GOLGA8A: variants seen among roughly 807,000 people sequenced by gnomAD.
The protein encoded by GOLGA8A is golgin A8 family member A, also known as golgin subfamily A member 8A.
Under a neutral mutation model 22.1 loss-of-function variants are expected in GOLGA8A, and 3 were observed. The ratio of observed to expected loss-of-function variants is 0.14; its 90% CI spans 0.06 to 0.35. The LOEUF (loss-of-function observed/expected upper bound fraction) is 0.35. GOLGA8A is among the 10% of genes least tolerant of loss of function. The pLI is 1.00. For missense variants in GOLGA8A, 16 were observed against 233.2 expected (o/e 0.07, Z 6.07); for synonymous variants, 7 against 91.7 (o/e 0.08, Z 5.28).
chr15:34,428,944 T>C lies in GOLGA8A; in HGVS notation c.-1123+6439A>G, dbSNP rs1231140257. On this transcript the variant is annotated intron_variant, in intron 2 of 24. Transcript: ENST00000359187. ...GAAGGGTAAAATAAAACGTCTGCAC[T>C]AGCAAGGCTGGGACTTGGCATCAGC... is the stretch of plus-strand genomic sequence containing the variant. 2 of 144,622 alleles carry C rather than the reference T, an allele frequency of 1.4e-5. 1 individual carries two copies. The highest frequency in any genetic ancestry group is 3.0e-5 in the Non-Finnish European group (2 of 66,202). The allele number at this position is 144,622 out of a possible 1,614,324, so 9.0% of individuals were successfully genotyped here. A position where few individuals can be genotyped will look rare whatever the true frequency, so the allele number is the denominator to read the frequency against.
rs1036286887 is a variant in GOLGA8A, at chr15:34,432,959, T to C, written c.-1123+2424A>G. Among the ~76,000 whole-genome samples, 24 of 148,882 alleles carry C rather than the reference T, an allele frequency of 1.6e-4. 1 individual carries two copies. The highest frequency in any genetic ancestry group is 5.5e-4 in the African/African-American group (22 of 40,282). The stretch of plus-strand genomic sequence containing the variant: ...TCAGTTCAATATTGCATCTCGTCTG[T>C]GCCTCAAAACAACCACAGGCAAGAG... On this transcript the variant is annotated intron_variant, in intron 2 of 24. Transcript: ENST00000359187.
intron 1 of GOLGA8A, among the ~76,000 whole-genome samples, chr15:34,436,693 G>C (rs1595675234): frequency 6.7e-6 from 1 of 149,592 alleles, no homozygotes; most frequent in South Asian, 2.1e-4. Flanking sequence ...AGCCCTGCTT[G>C]GGGACCGGGG....
In GOLGA8A at chr15:34,379,564, G is replaced by A. The variant is rs1566900825; in HGVS notation, c.*1847C>T. ...ATCTGCCCTCTTTCAGTGAATGCCG[G>A]CAAATCTGTTATTCCATTGGCAAAA... On this transcript the variant is annotated 3_prime_UTR_variant, in exon 25 of 25. Transcript: ENST00000359187. 2.0e-5 allele frequency: 3 copies of A among 152,570 alleles called. No homozygotes were observed. The highest frequency in any genetic ancestry group is 6.5e-5 in the Admixed American group (1 of 15,282). The allele number at this position is 152,570 out of a possible 1,614,324, so 9.5% of individuals were successfully genotyped here.
At chr15:34,423,195 A>G (rs1277232797) in intron 2 of GOLGA8A, among the ~76,000 whole-genome samples, 2 of 123,944 alleles carry the variant, frequency 1.6e-5, no homozygotes, top group Admixed American at 8.6e-5. Context: ...AAAGCTGACC[A>G]CCCCCATGCC....
chr15:34,424,359 A>T (rs142799018), intron 2 of GOLGA8A, among the ~76,000 whole-genome samples: 1 of 121,174 alleles, frequency 8.3e-6, no homozygotes, highest in African/African-American at 3.1e-5. Context: ...ACACCCCTCC[A>T]CGATGGACCC....
At chr15:34,430,292 C>A (rs4986793) in intron 2 of GOLGA8A, among the ~76,000 whole-genome samples, 13,954 of 148,898 alleles carry the variant, frequency 0.094, 1,719 homozygotes, top group South Asian at 0.25. Flanking sequence ...CCGCACATCC[C>A]ACCTGCAAAA....
At chr15:34,427,922 G>A (rs1431842568) in intron 2 of GOLGA8A, among the ~76,000 whole-genome samples, 2 of 148,526 alleles carry the variant, frequency 1.3e-5, no homozygotes, top group African/African-American at 2.5e-5. Context: ...ACTGCCCGAT[G>A]TGTCATGGGA....
At chr15:34,386,140 A>C (rs1418150137) in intron 12 of GOLGA8A, among the ~76,000 whole-genome samples, 3 of 148,038 alleles carry the variant, frequency 2.0e-5, no homozygotes, top group Non-Finnish European at 2.9e-5. Flanking sequence ...CACAGCCGAT[A>C]TAGGATGGAA....
chr15:34,405,436 G>A (rs1391316951), intron 4 of GOLGA8A, among the ~76,000 whole-genome samples: 1 of 147,056 alleles, frequency 6.8e-6, no homozygotes, highest in Non-Finnish European at 1.5e-5. Flanking sequence ...CCAGGTTCAA[G>A]TGATTCTCGT....
Position 34,428,563 on chromosome 15 carries a change from T to A in GOLGA8A, c.-1123+6820A>T, listed in dbSNP as rs1172402871. On this transcript the variant is annotated intron_variant, in intron 2 of 24. Coordinates refer to ENST00000359187, the MANE Select transcript of GOLGA8A (RefSeq NM_181077.5). The stretch of plus-strand genomic sequence containing the variant: ...AATACTGTCCCCCACCTCCACACCA[T>A]GCTAGTGAGAAAAACAGACTGCCTG... The A allele has an allele frequency of 3.4e-5, 5 of 148,806 alleles. 1 individual carries two copies. The highest frequency in any genetic ancestry group is 4.0e-4 in the East Asian group (2 of 5,052). The allele number at this position is 148,806 out of a possible 1,614,324, so 9.2% of individuals were successfully genotyped here. A position where few individuals can be genotyped will look rare whatever the true frequency, so the allele number is the denominator to read the frequency against.
intron 1 of GOLGA8A, among the ~76,000 whole-genome samples, chr15:34,436,658 C>A (rs912152303): frequency 6.7e-6 from 1 of 149,884 alleles, no homozygotes; most frequent in Non-Finnish European, 1.5e-5. Flanking sequence ...CCTGGGCTTA[C>A]CAAGGCCCGC....
intron 2 of GOLGA8A, among the ~76,000 whole-genome samples, chr15:34,430,950 A>G (rs1893201660): frequency 6.7e-6 from 1 of 149,078 alleles, no homozygotes; most frequent in Non-Finnish European, 1.5e-5. Context: ...CCAGCTCCGG[A>G]TAATTCAGAC....
chr15:34,406,309 AGT>A (rs1466515515), intron 4 of GOLGA8A, among the ~76,000 whole-genome samples: 2 of 40,964 alleles, frequency 4.9e-5, no homozygotes, highest in African/African-American at 1.9e-4. Context: ...TGAGGTCAGG[AGT>A]TCAAGACTAG....
rs1595631157 is a variant in GOLGA8A at position 34,379,509 on chromosome 15, AAG to A, written c.*1900_*1901del. On this transcript the variant is annotated 3_prime_UTR_variant, in exon 25 of 25. Coordinates refer to ENST00000359187, the MANE Select transcript of GOLGA8A (RefSeq NM_181077.5). ...ACATTGATAAATTCATACAATTTGG[AAG>A]AGTCAGTTGAAGTTACAAGGACCCA... is the stretch of plus-strand genomic sequence containing the variant. 2 of 152,666 alleles carry A rather than the reference AAG, an allele frequency of 1.3e-5. No individual in the cohort carries two copies. The highest frequency in any genetic ancestry group is 2.1e-4 in the South Asian group (1 of 4,832). The allele number at this position is 152,666 out of a possible 1,614,324, so 9.5% of individuals were successfully genotyped here.
chr15:34,379,883 T>A lies in GOLGA8A; in HGVS notation c.*1528A>T, dbSNP rs1295265455. On this transcript the variant is annotated 3_prime_UTR_variant, in exon 25 of 25. Transcript: ENST00000359187. ...ACAATCACAGAAATATTGCACAAAG[T>A]ATGTCCCTGACTGAAAATGAGAGGT... The A allele has an allele frequency of 6.5e-6, 1 of 152,688 alleles. No individual in the cohort carries two copies. The highest frequency in any genetic ancestry group is 1.5e-5 in the Non-Finnish European group (1 of 68,052). The allele number at this position is 152,688 out of a possible 1,614,324, so 9.5% of individuals were successfully genotyped here. A position where few individuals can be genotyped will look rare whatever the true frequency, so the allele number is the denominator to read the frequency against.
intron 8 of GOLGA8A, among the ~76,000 whole-genome samples, chr15:34,397,769 GC>G (rs202149269): frequency 0.019 from 2,369 of 124,386 alleles, 2 homozygotes; most frequent in African/African-American, 0.066. Flanking sequence ...CTCAAATTTG[GC>G]TCCCCAACCT....
intron 2 of GOLGA8A, chr15:34,418,120 G>A (rs1892647857): frequency 1.6e-5 from 1 of 60,694 alleles, no homozygotes; most frequent in Non-Finnish European, 3.3e-5. Flanking sequence ...TGTAGTAACT[G>A]TAGATTCTTT....
chr15:34,431,333 A>ATCTCTCTC (rs1169013971), intron 2 of GOLGA8A, among the ~76,000 whole-genome samples: 1 of 51,410 alleles, frequency 1.9e-5, no homozygotes, highest in African/African-American at 5.6e-5. Flanking sequence ...ATATATATAT[A>ATCTCTCTC]TATATATATA....
At chr15:34,431,710 G>T (rs1893260805) in intron 2 of GOLGA8A, among the ~76,000 whole-genome samples, 1 of 148,572 alleles carries the variant, frequency 6.7e-6, no homozygotes, top group Non-Finnish European at 1.5e-5. Context: ...TTGCTCGGGT[G>T]AGTCAGTCCG....
Sources: gnomAD v4.1 joint callset for allele counts (sites outside exome capture counted in the v4.1 genomes callset) on GRCh38, gnomAD v4.1.1 for gene constraint, MANE v1.5 for transcripts, NCBI Gene and HGNC (gene_info 2026-07-23, HGNC 2026-07-21) for gene names.